Variants in PLEKHG5 observed in about 807,000 individuals in gnomAD.
PLEKHG5 encodes pleckstrin homology and RhoGEF domain containing G5, also known as pleckstrin homology domain-containing family G member 5.
PLEKHG5 carries 52 observed loss-of-function variants against 103.8 expected under a neutral mutation model. The ratio of observed to expected loss-of-function variants is 0.50; its 90% confidence interval spans 0.40 to 0.63. The LOEUF (loss-of-function observed/expected upper bound fraction) is 0.63. Among genes scored for constraint, PLEKHG5 ranks in the 30% least tolerant of loss-of-function variants. The pLI is 0.00. For synonymous variants in PLEKHG5, 592 were observed against 575.5 expected, an observed-to-expected ratio of 1.03 and a Z score of -0.41; for missense variants, 1,205 against 1,347.6, an observed-to-expected ratio of 0.89 and a Z score of 1.66.
chr1:6,472,161 A>C (rs1352570817), intron 10 of PLEKHG5, among the ~76,000 whole-genome samples: 3 of 152,188 alleles, frequency 2.0e-5, no homozygotes, highest in Admixed American at 1.3e-4. Context: ...AGGAAGCTCC[A>C]AGCCCAGGGT....
At chr1:6,472,709 A>G (rs1170092262) in intron 9 of PLEKHG5, 87 bp from the exon 10 acceptor site, 1 of 950,998 alleles carries the variant, frequency 1.1e-6, no homozygotes, top group Non-Finnish European at 1.7e-6. Flanking sequence ...TGCAACTCTC[A>G]TTTTCCCAAT....
At chr1:6,497,089 A>C, upstream of PLEKHG5, 1 of 1,481,464 alleles carries the variant, frequency 6.8e-7, no homozygotes, top group Non-Finnish European at 9.0e-7. The surrounding 1 kb of genome is among the most constrained non-coding windows in gnomAD (Gnocchi z 6.1). Context: ...GCTGGAGTGC[A>C]CCGCGGTGGG....
In PLEKHG5 at chr1:6,467,920, GGGCTCAGGCTGGACCCTGGGAGA is replaced by G. The variant is rs1644436301; in HGVS notation, c.2893_2915del (p.Ser965ProfsTer26). ...TGTGCTGGGCAGAGACCCCTGGTGG[GGGCTCAGGCTGGACCCTGGGAGA>G]GGCCCCCGAGGGCAGGTCTCCACAC... On this transcript the variant is annotated frameshift_variant, in exon 20 of 21. Transcript: ENST00000377728. LOFTEE classifies it high-confidence loss of function. 6.3e-7 allele frequency: 1 copy of G among 1,597,260 alleles called. No homozygotes were observed. The highest frequency in any genetic ancestry group is 8.5e-7 in the Non-Finnish European group (1 of 1,172,774).
At chr1:6,485,986 C>CG in intron 1 of PLEKHG5, 1 of 795,652 alleles carries the variant, frequency 1.3e-6, no homozygotes, top group Non-Finnish European at 1.5e-6. Context: ...CACCCCCCCC[C>CG]ACCTTGGAGA....
rs1443592761 is a variant in PLEKHG5 at position 6,471,093 on chromosome 1, G to T, written c.1289C>A (p.Ser430Ter). 1.3e-6 allele frequency: 2 copies of T among 1,581,736 alleles called. No homozygotes were observed. The highest frequency in any genetic ancestry group is 1.7e-6 in the Non-Finnish European group (2 of 1,165,232). Reference protein sequence around the residue: ...DFLKGFKMFGSLFKPYIRYCM... With the variant: ...DFLKGFKMFG ...GTAGCGGATGTAGGGCTTGAAGAGC[G>T]AGCCGAACTGGCCCGGGGCAGAACA... The change falls in exon 13 of 21, where the codon TCG becomes TAG. Residue 430 changes from serine (S) to a stop codon, truncating the protein, a stop_gained. Transcript: ENST00000377728. LOFTEE classifies it high-confidence loss of function.
intron 6 of PLEKHG5, 132 bp downstream of exon 6, chr1:6,474,319 A>C (rs1569877981): frequency 8.7e-7 from 1 of 1,156,046 alleles, no homozygotes; most frequent in Non-Finnish European, 1.2e-6. Flanking sequence ...AGCAGCATCC[A>C]GCAGAGACAC....
intron 10 of PLEKHG5, among the ~76,000 whole-genome samples, 182 bp downstream of exon 10, chr1:6,472,345 C>T (rs766681659): frequency 2.6e-5 from 4 of 152,236 alleles, no homozygotes; most frequent in Admixed American, 6.5e-5. Context: ...CAAACCTGCC[C>T]GAAGCCCCCT....
At chr1:6,471,907 C>T (rs1171460691) in intron 10 of PLEKHG5, 99 bp from the exon 11 acceptor site, 4 of 1,248,904 alleles carry the variant, frequency 3.2e-6, no homozygotes, top group East Asian at 2.5e-5. Flanking sequence ...TCCCCTTCCC[C>T]GTTCCAGGAG....
At position 6,470,309 on chromosome 1, in the gene PLEKHG5, C is replaced by T; in HGVS notation, c.1727G>A (p.Gly576Asp). 6.2e-7 allele frequency: 1 copy of T among 1,614,044 alleles called. No homozygotes were observed. Among genetic ancestry groups the T allele is most frequent in the Non-Finnish European group, 8.5e-7 (1 of 1,180,004 alleles). The change falls in exon 16 of 21, where the codon GGC becomes GAC. Residue 576 changes from glycine to aspartate, a missense_variant. Physicochemically the swap from Gly to Asp is moderately conservative, Grantham distance 94. Transcript: ENST00000377728. The part of the protein sequence containing the change: ...LHLDLTAPIP[G>D]ASPEETRQLL... ...CTGCCGCGTCTCCTCCGGGGAGGCG[C>T]CAGGGATGGGCGCTGTCAAGTCCAG... is the stretch of plus-strand genomic sequence containing the variant.
At chr1:6,507,619 G>A (rs753951850) in intron 1 of PLEKHG5, among the ~76,000 whole-genome samples, 48 of 152,318 alleles carry the variant, frequency 3.2e-4, no homozygotes, top group African/African-American at 1.1e-3. Context: ...CTCTGTTTCC[G>A]GGGGGCGGGG....
chr1:6,493,909 C>G (rs1372742771), upstream of PLEKHG5, among the ~76,000 whole-genome samples: 3 of 151,976 alleles, frequency 2.0e-5, no homozygotes, highest in African/African-American at 7.3e-5. Flanking sequence ...ATCTGCCCAC[C>G]TTGGCCTCCC....
intron 1 of PLEKHG5, among the ~76,000 whole-genome samples, chr1:6,479,722 T>C (rs1038294183): frequency 6.6e-6 from 1 of 152,158 alleles, no homozygotes; most frequent in African/African-American, 2.4e-5. Flanking sequence ...GTAATCCTCC[T>C]GCCTTAGCCT....
intron 19 of PLEKHG5, 77 bp from the exon 20 acceptor site, chr1:6,468,663 C>T (rs997569059): frequency 7.2e-5 from 109 of 1,516,264 alleles, no homozygotes; most frequent in Non-Finnish European, 9.0e-5. Flanking sequence ...GGGCAATGCA[C>T]GGTGGTTTAT....
chr1:6,490,179 C>G lies in PLEKHG5; in HGVS notation c.-88+1458G>C, dbSNP rs1645121748. On this transcript the variant is annotated intron_variant, in intron 1 of 20. Transcript: ENST00000377728. The surrounding 1 kb of genome is among the most constrained non-coding windows in gnomAD (Gnocchi z 8.0). ...GATCCCCCTGCCCCGCCAATACCCCCCATACCGGGGCCAGGGTCCCATAGA... is the reference window on the plus strand; with the variant it reads ...GATCCCCCTGCCCCGCCAATACCCCGCATACCGGGGCCAGGGTCCCATAGA... 6.6e-6 allele frequency among the ~76,000 whole-genome samples: 1 copy of G among 152,218 alleles called. No individual in the cohort carries two copies. Among genetic ancestry groups the G allele is most frequent in the African/African-American group, 2.4e-5 (1 of 41,456 alleles).
In PLEKHG5 at chr1:6,482,423, G is replaced by A. The variant is rs569383452; in HGVS notation, c.-87-4765C>T. Among the ~76,000 whole-genome samples, 84 of 152,334 alleles carry A rather than the reference G, an allele frequency of 5.5e-4. No individual in the cohort carries two copies. The South Asian group carries it at 0.016, about 30-fold the overall frequency. On this transcript the variant is annotated intron_variant, in intron 1 of 20. Transcript: ENST00000377728. ...AGCCCGATGAGAGATTTCCGAGATA[G>A]GCGTGGTGAGGATAGCAGAGAAAGT...
upstream of PLEKHG5, among the ~76,000 whole-genome samples, chr1:6,495,530 C>G (rs1645212069): frequency 6.6e-6 from 1 of 152,174 alleles, no homozygotes; most frequent in African/African-American, 2.4e-5. Context: ...GTACTGGGTT[C>G]AAATCCCAGC....
exon 1 of PLEKHG5, chr1:6,519,645 C>A (rs1021950174): frequency 2.7e-6 from 2 of 733,180 alleles, no homozygotes; most frequent in South Asian, 1.5e-5. Context: ...GGCTTCTCCC[C>A]GACTCAGCCC....
intron 2 of PLEKHG5, 150 bp downstream of exon 2, chr1:6,477,379 A>C: frequency 1.2e-6 from 1 of 846,282 alleles, no homozygotes; most frequent in Admixed American, 2.0e-5. Flanking sequence ...CTTGCTAAAA[A>C]ACATTTGGAA....
Position 6,474,069 on chromosome 1 carries a change from G to C in PLEKHG5, c.535C>G (p.Pro179Ala), listed in dbSNP as rs1644682762. Residue 179 changes from proline to alanine, a missense_variant, in exon 7 of 21, where the codon CCC (proline) becomes GCC (alanine). Pro to Ala is a conservative substitution (Grantham distance 27). Coordinates refer to ENST00000377728, the MANE Select transcript of PLEKHG5 (RefSeq NM_020631.6). Reference sequence around the variant, plus strand: ...GCGTCCACACGCTCCAGGGCGGGGGGCCCGGTCCCAGCTGGCCGCAGAATC... The same window carrying C: ...GCGTCCACACGCTCCAGGGCGGGGGCCCCGGTCCCAGCTGGCCGCAGAATC... ...LPILRPAGTG[P>A]PALERVDAQS... 4 of 1,612,228 alleles carry C rather than the reference G, an allele frequency of 2.5e-6. No individual in the cohort carries two copies. The highest frequency in any genetic ancestry group is 1.3e-5 in the African/African-American group (1 of 74,908).
Sources: allele counts gnomAD v4.1 joint callset (sites outside exome capture counted in the v4.1 genomes callset), GRCh38; gene constraint gnomAD v4.1.1; non-coding constraint Gnocchi (gnomAD v3.1); transcripts MANE v1.5; gene names NCBI Gene and HGNC (gene_info 2026-07-23, HGNC 2026-07-21).